Variants in IQGAP2 observed in about 807,000 individuals in gnomAD.
The protein encoded by IQGAP2 is IQ motif containing GTPase activating protein 2, also known as ras GTPase-activating-like protein IQGAP2.
Under a neutral mutation model 201.3 loss-of-function variants are expected in IQGAP2, and 173 were observed. The observed-to-expected ratio is 0.86, with a 90% confidence interval of 0.76 to 0.98. IQGAP2 has a LOEUF of 0.98. Among genes scored for constraint, IQGAP2 ranks in the 50% least tolerant of loss-of-function variants. IQGAP2 has a pLI of 0.00. For missense variants in IQGAP2, 1,687 were observed against 1,864.8 expected (o/e 0.90, Z 1.76); for synonymous variants, 675 against 673.9 (o/e 1.00, Z -0.03).
At chr5:76,431,775 A>G (rs983590806) in intron 1 of IQGAP2, among the ~76,000 whole-genome samples, 1 of 150,524 alleles carries the variant, frequency 6.6e-6, no homozygotes, top group African/African-American at 2.4e-5. Flanking sequence ...GTGAGCCGAG[A>G]TCGCACCACT....
chr5:76,591,037 C>A (rs1368521145), intron 8 of IQGAP2, among the ~76,000 whole-genome samples: 1 of 152,186 alleles, frequency 6.6e-6, no homozygotes, highest in Non-Finnish European at 1.5e-5. Context: ...GTTGAGGCTG[C>A]AGTGAGCTGT....
intron 35 of IQGAP2, among the ~76,000 whole-genome samples, chr5:76,704,074 A>G (rs1580869882): frequency 1.3e-5 from 2 of 152,260 alleles, no homozygotes; most frequent in Admixed American, 1.3e-4. Context: ...GATGAAAGCT[A>G]TTATGTAATT....
intron 2 of IQGAP2, among the ~76,000 whole-genome samples, chr5:76,472,748 T>C (rs1257573552): frequency 1.3e-5 from 2 of 152,234 alleles, no homozygotes; most frequent in East Asian, 1.9e-4. Flanking sequence ...TATTTTAAAA[T>C]ACAAATAATC....
intron 2 of IQGAP2, among the ~76,000 whole-genome samples, chr5:76,524,791 T>C (rs1165636628): frequency 6.6e-6 from 1 of 152,238 alleles, no homozygotes; most frequent in East Asian, 1.9e-4. Context: ...TCAATAGCCT[T>C]TGAAAGATTT....
intron 1 of IQGAP2, among the ~76,000 whole-genome samples, chr5:76,444,900 A>G (rs1452949583): frequency 1.3e-5 from 2 of 152,180 alleles, no homozygotes; most frequent in African/African-American, 4.8e-5. Flanking sequence ...AAAGATAAGA[A>G]AGCAAAATTG....
At chr5:76,702,632 A>G in intron 35 of IQGAP2, 42 bp downstream of exon 35, 2 of 928,002 alleles carry the variant, frequency 2.2e-6, no homozygotes, top group Non-Finnish European at 3.6e-6. Context: ...TAAATTTTAT[A>G]TGTGGATCAT....
In IQGAP2 at chr5:76,606,257, G is replaced by C; in HGVS notation, c.1311G>C (p.Gln437His). The C allele has an allele frequency of 6.2e-7, 1 of 1,605,478 alleles. No individual in the cohort carries two copies. The highest frequency in any genetic ancestry group is 8.5e-7 in the Non-Finnish European group (1 of 1,175,058). ...GQDNLSWNEIQNCIDMVNAQI... is the reference protein window; with the variant it reads ...GQDNLSWNEIHNCIDMVNAQI... ...ATAACTTAAGCTGGAATGAAATTCAGAATTGTATTGATATGGTTAATGCTC... is the reference window on the plus strand; with the variant it reads ...ATAACTTAAGCTGGAATGAAATTCACAATTGTATTGATATGGTTAATGCTC... Residue 437 changes from glutamine (Q) to histidine (H), a missense_variant, in exon 12 of 36, where the codon CAG becomes CAC. Physicochemically the swap from Gln to His is conservative, Grantham distance 24 (BLOSUM62 0). Transcript: ENST00000274364.
intron 23 of IQGAP2, among the ~76,000 whole-genome samples, chr5:76,669,605 C>G (rs1234944910): frequency 1.3e-5 from 2 of 152,088 alleles, no homozygotes; most frequent in Non-Finnish European, 2.9e-5. Flanking sequence ...TGACCTAAAA[C>G]CTTGAGGAAC....
intron 1 of IQGAP2, among the ~76,000 whole-genome samples, chr5:76,442,071 A>G (rs1753073961): frequency 6.6e-6 from 1 of 152,188 alleles, no homozygotes; most frequent in South Asian, 2.1e-4. Context: ...CTCATAGATG[A>G]AGTAGCTGAT....
At chr5:76,630,369 T>G (rs1008360471) in intron 14 of IQGAP2, among the ~76,000 whole-genome samples, 1 of 152,212 alleles carries the variant, frequency 6.6e-6, no homozygotes, top group Non-Finnish European at 1.5e-5. Flanking sequence ...ATTAAGCACC[T>G]ACTTTATACC....
Position 76,631,955 on chromosome 5 carries a change from A to G in IQGAP2, c.1709A>G (p.Asp570Gly). 5 of 1,612,918 alleles carry G rather than the reference A, an allele frequency of 3.1e-6. No homozygotes were observed. Among genetic ancestry groups the G allele is most frequent in the African/African-American group, 1.3e-5 (1 of 74,996 alleles). The stretch of plus-strand genomic sequence containing the variant: ...AAGTCTTCCACTTCTAATGCAAATG[A>G]CATAATCCCGGAGTGTGCTGACAAA... ...VLKSSTSNANDIIPECADKYY... is the reference protein window; with the variant it reads ...VLKSSTSNANGIIPECADKYY... Residue 570 changes from aspartate (D) to glycine (G), a missense_variant, in exon 15 of 36, where the codon GAC becomes GGC. Asp to Gly is a moderately conservative substitution (Grantham distance 94). Coordinates refer to ENST00000274364, the MANE Select transcript of IQGAP2 (RefSeq NM_006633.5).
intron 13 of IQGAP2, among the ~76,000 whole-genome samples, chr5:76,619,101 T>C (rs767625272): frequency 6.6e-6 from 1 of 152,228 alleles, no homozygotes; most frequent in Non-Finnish European, 1.5e-5. Context: ...GTGTGGGCTA[T>C]CATGGGATCT....
chr5:76,696,552 G>A (rs1033841446), intron 32 of IQGAP2, among the ~76,000 whole-genome samples: 2 of 151,402 alleles, frequency 1.3e-5, no homozygotes, highest in Non-Finnish European at 2.9e-5. Context: ...AATTAATATG[G>A]ATCTAGAGGT....
At chr5:76,458,862 T>G (rs1754256193) in intron 1 of IQGAP2, among the ~76,000 whole-genome samples, 1 of 152,304 alleles carries the variant, frequency 6.6e-6, no homozygotes, top group South Asian at 2.1e-4. Context: ...CCTTTCCCGA[T>G]AAGATATTTT....
intron 5 of IQGAP2, among the ~76,000 whole-genome samples, chr5:76,579,440 T>TAAA (rs56658667): frequency 7.2e-6 from 1 of 138,866 alleles, no homozygotes; most frequent in African/African-American, 2.7e-5. Context: ...TTTCTTTGTT[T>TAAA]AAAAAAAAAA....
At chr5:76,485,362 A>T (rs1013431050) in intron 2 of IQGAP2, among the ~76,000 whole-genome samples, 1 of 152,192 alleles carries the variant, frequency 6.6e-6, no homozygotes, top group Admixed American at 6.5e-5. Flanking sequence ...TAGCTTCAAA[A>T]TGTCTTTGCT....
At chr5:76,535,254 A>C (rs1759549299) in intron 2 of IQGAP2, among the ~76,000 whole-genome samples, 1 of 152,202 alleles carries the variant, frequency 6.6e-6, no homozygotes, top group African/African-American at 2.4e-5. Flanking sequence ...GAATCCAGAA[A>C]AAAATAATCT....
chr5:76,638,404 G>C (rs904727719), intron 16 of IQGAP2, among the ~76,000 whole-genome samples: 3 of 152,102 alleles, frequency 2.0e-5, no homozygotes, highest in Non-Finnish European at 2.9e-5. Context: ...GCCCAGAAAA[G>C]TCTGCGTTAG....
At chr5:76,682,318 A>G (rs1443349387) in intron 28 of IQGAP2, among the ~76,000 whole-genome samples, 2 of 152,214 alleles carry the variant, frequency 1.3e-5, no homozygotes, top group Non-Finnish European at 2.9e-5. Context: ...GAGAACAACA[A>G]ATTTTATCTC....
Sources: gnomAD v4.1 joint callset for allele counts (sites outside exome capture counted in the v4.1 genomes callset) on GRCh38, gnomAD v4.1.1 for gene constraint, MANE v1.5 for transcripts, NCBI Gene and HGNC (gene_info 2026-07-23, HGNC 2026-07-21) for gene names.